The following HNF4A variants were observed in gnomAD, a reference collection of about 807,000 sequenced individuals.
HNF4A encodes hepatocyte nuclear factor 4-alpha.
In HNF4A, 15 loss-of-function variants were observed where a neutral mutation model predicts 52.4. The ratio of observed to expected loss-of-function variants is 0.29; its 90% CI spans 0.19 to 0.44. The LOEUF (loss-of-function observed/expected upper bound fraction) is 0.44, where lower values mean the gene tolerates loss of function less well. Among genes scored for constraint, HNF4A ranks in the 20% least tolerant of loss-of-function variants. The pLI is 1.00. For synonymous variants in HNF4A, 280 were observed against 264.4 expected (o/e 1.06, Z -0.57); for missense variants, 479 against 647.2 (o/e 0.74, Z 2.82).
At chr20:44,357,782 G>A (rs2062874136) in intron 1 of HNF4A, among the ~76,000 whole-genome samples, 1 of 151,840 alleles carries the variant, frequency 6.6e-6, no homozygotes, top group African/African-American at 2.4e-5. Context: ...CCAAACGGCT[G>A]TCTGAGATAA....
At chr20:44,404,385 G>C (rs565627393) in intron 1 of HNF4A, among the ~76,000 whole-genome samples, 1 of 152,270 alleles carries the variant, frequency 6.6e-6, no homozygotes, top group Admixed American at 6.5e-5. Flanking sequence ...AGGCTGTGCT[G>C]TTACCTACAG....
chr20:44,424,789 A>T, intron 8 of HNF4A: 1 of 305,754 alleles, frequency 3.3e-6, no homozygotes, highest in Non-Finnish European at 6.0e-6. Flanking sequence ...AGAAGAAACT[A>T]CTTCAAGGGC....
intron 1 of HNF4A, chr20:44,401,550 A>G: frequency 1.3e-6 from 2 of 1,593,414 alleles, no homozygotes; most frequent in Non-Finnish European, 1.7e-6. Context: ...GTCCAGGAGC[A>G]GATCTTTGGC....
intron 3 of HNF4A, chr20:44,408,187 G>T: frequency 6.4e-6 from 1 of 157,414 alleles, no homozygotes; most frequent in Middle Eastern, 5.2e-4. Flanking sequence ...AAAATGAAAT[G>T]AGCCCAGCCC....
Position 44,401,354 on chromosome 20 carries a change from CG to C in HNF4A, c.-17del. ...GCGCCCAGGGTAGGGCAGGTGGCCGCGGCGTGGAGGCAGGGAGAATGCGACT... is the reference window on the plus strand; with the variant it reads ...GCGCCCAGGGTAGGGCAGGTGGCCGCGCGTGGAGGCAGGGAGAATGCGACT... On this transcript the variant is annotated 5_prime_UTR_variant, in exon 1 of 10. Coordinates refer to ENST00000316099, the MANE Select transcript of HNF4A (RefSeq NM_000457.6). 1 of 1,613,856 alleles carries C rather than the reference CG, an allele frequency of 6.2e-7. No homozygotes were observed. The highest frequency in any genetic ancestry group is 8.5e-7 in the Non-Finnish European group (1 of 1,179,956).
chr20:44,411,212 G>A (rs1237567101), intron 3 of HNF4A, among the ~76,000 whole-genome samples: 1 of 152,034 alleles, frequency 6.6e-6, no homozygotes, highest in South Asian at 2.1e-4. Flanking sequence ...GGCCTTCCTC[G>A]GAAGCCCCTG....
chr20:44,366,582 C>T (rs2146184084), intron 1 of HNF4A, among the ~76,000 whole-genome samples: 1 of 152,174 alleles, frequency 6.6e-6, no homozygotes, highest in East Asian at 1.9e-4. Flanking sequence ...GATCACGCCA[C>T]TGTACTCCAA....
At chr20:44,413,572 T>C in intron 3 of HNF4A, 122 bp from the exon 4 acceptor site, 1 of 732,800 alleles carries the variant, frequency 1.4e-6, no homozygotes, top group Non-Finnish European at 2.5e-6. Context: ...TTCCACATGC[T>C]GATGTGGGCC....
At chr20:44,426,581 A>G (rs1227047755) in intron 8 of HNF4A, among the ~76,000 whole-genome samples, 3 of 152,082 alleles carry the variant, frequency 2.0e-5, no homozygotes, top group Non-Finnish European at 4.4e-5. Flanking sequence ...AGGCGGGTGG[A>G]TCACTTGAGG....
chr20:44,426,894 G>A (rs1450321967), intron 8 of HNF4A, among the ~76,000 whole-genome samples: 2 of 152,164 alleles, frequency 1.3e-5, no homozygotes, highest in Admixed American at 6.5e-5. Flanking sequence ...TTTTTGCAGC[G>A]ATGGTATTAG....
chr20:44,387,153 A>G (rs2063234813), intron 1 of HNF4A, among the ~76,000 whole-genome samples: 2 of 151,988 alleles, frequency 1.3e-5, no homozygotes, highest in South Asian at 2.1e-4. Context: ...AAATTAAAAA[A>G]TTAGCTGGGT....
chr20:44,389,143 G>A (rs1169408467), intron 1 of HNF4A, among the ~76,000 whole-genome samples: 1 of 152,226 alleles, frequency 6.6e-6, no homozygotes, highest in African/African-American at 2.4e-5. Flanking sequence ...TCTCATTGGA[G>A]CTAAAATGAC....
chr20:44,407,341 G>A (rs1297484229), intron 2 of HNF4A, 40 bp from the exon 3 acceptor site: 2 of 1,469,214 alleles, frequency 1.4e-6, no homozygotes, highest in Admixed American at 1.7e-5. Flanking sequence ...AGAGGAGGAA[G>A]TTGTGTCTTC....
rs575764167 is a variant in HNF4A, at chr20:44,362,994, C to T, written c.49+7141C>T. On this transcript the variant is annotated intron_variant, in intron 1 of 9. Coordinates refer to the HNF4A transcript ENST00000316673. ...GTAGCTGGGATTGTAGCTGGGGTTA[C>T]AAGCGCCTGCCACCATGCCTGGCTA... 1.2e-4 allele frequency among the ~76,000 whole-genome samples: 18 copies of T among 151,796 alleles called. No individual in the cohort carries two copies. In the East Asian group the frequency reaches 3.3e-3, roughly 28 times the overall value.
chr20:44,402,419 G>A, intron 1 of HNF4A: 1 of 414,222 alleles, frequency 2.4e-6, no homozygotes, highest in Non-Finnish European at 4.8e-6. Context: ...GTGTATATAT[G>A]CAGTTCCCTG....
chr20:44,394,704 G>A lies in HNF4A; in HGVS notation c.50-11354G>A, dbSNP rs1271708333. Reference sequence around the variant, plus strand: ...GACTCTTGAGCAAAGCCTCTTCTTTGGAGAGCAGCCGAGGTGGCCGTGGGC... The same window carrying A: ...GACTCTTGAGCAAAGCCTCTTCTTTAGAGAGCAGCCGAGGTGGCCGTGGGC... On this transcript the variant is annotated intron_variant, in intron 1 of 9. Transcript: ENST00000316673. 2.0e-5 allele frequency among the ~76,000 whole-genome samples: 3 copies of A among 152,226 alleles called. No individual in the cohort carries two copies. The East Asian group carries it at 5.8e-4, about 29-fold the overall frequency.
intron 1 of HNF4A, among the ~76,000 whole-genome samples, chr20:44,383,897 C>T (rs1392805770): frequency 6.6e-6 from 1 of 151,492 alleles, no homozygotes; most frequent in Non-Finnish European, 1.5e-5. Flanking sequence ...GTTGCCCAGG[C>T]TGGAGTGCAA....
intron 7 of HNF4A, among the ~76,000 whole-genome samples, chr20:44,421,247 TC>T (rs2063740551): frequency 6.6e-6 from 1 of 152,236 alleles, no homozygotes; most frequent in Non-Finnish European, 1.5e-5. Flanking sequence ...CTCTTGGCTC[TC>T]CTCTCCCCAT....
upstream of HNF4A, among the ~76,000 whole-genome samples, chr20:44,396,829 A>G (rs1317157994): frequency 6.6e-6 from 1 of 152,228 alleles, no homozygotes; most frequent in Non-Finnish European, 1.5e-5. Context: ...GTAGAAGTTG[A>G]GGTCACAGAG....
Sources: allele counts gnomAD v4.1 joint callset (sites outside exome capture counted in the v4.1 genomes callset), GRCh38; gene constraint gnomAD v4.1.1; transcripts MANE v1.5; gene names NCBI Gene and HGNC (gene_info 2026-07-23, HGNC 2026-07-21).